ASTN2: variants seen among roughly 807,000 people sequenced by gnomAD.
ASTN2 encodes astrotactin-2.
In ASTN2, 54 loss-of-function variants were observed where a neutral mutation model predicts 139.8. The ratio of observed to expected loss-of-function variants is 0.39; its 90% confidence interval spans 0.31 to 0.48. ASTN2 has a LOEUF of 0.48. ASTN2 is among the 20% of genes least tolerant of loss of function. The pLI is 0.95. For missense variants in ASTN2, 1,565 were observed against 1,725.1 expected (o/e 0.91, Z 1.64); for synonymous variants, 756 against 719.5 (o/e 1.05, Z -0.81).
chr9:117,134,055 A>T (rs1829885238), intron 4 of ASTN2, among the ~76,000 whole-genome samples: 4 of 151,818 alleles, frequency 2.6e-5, no homozygotes, highest in Non-Finnish European at 4.4e-5. Context: ...TCCCACCCAA[A>T]AATCCTTGGT....
At chr9:117,375,229 G>T (rs2130919291) in intron 1 of ASTN2, among the ~76,000 whole-genome samples, 1 of 152,334 alleles carries the variant, frequency 6.6e-6, no homozygotes, top group East Asian at 1.9e-4. Context: ...GCCAGAGTTT[G>T]CATGGTATAT....
At chr9:116,680,296 C>T (rs1859769606) in intron 16 of ASTN2, among the ~76,000 whole-genome samples, 1 of 152,172 alleles carries the variant, frequency 6.6e-6, no homozygotes, top group African/African-American at 2.4e-5. Context: ...AATTCCTGGA[C>T]ACATACACCA....
rs138633518 is a variant in ASTN2 at position 117,361,074 on chromosome 9, A to C, written c.442+53423T>G. ...GGATTGAGACAAATGGGGGCTTGCC[A>C]CTCCTGTGACCTCCATCAGGGATTT... On this transcript the variant is annotated intron_variant, in intron 1 of 22. Coordinates refer to ENST00000313400, the MANE Select transcript of ASTN2 (RefSeq NM_001365068.1). 9.3e-3 allele frequency among the ~76,000 whole-genome samples: 1,421 copies of C among 152,098 alleles called. 28 individuals are homozygous for C. The highest frequency in any genetic ancestry group is 0.032 in the African/African-American group (1,347 of 41,504).
chr9:116,551,764 A>C (rs1852356561), intron 19 of ASTN2, among the ~76,000 whole-genome samples: 1 of 152,180 alleles, frequency 6.6e-6, no homozygotes, highest in Non-Finnish European at 1.5e-5. Context: ...TTTAGTCTTC[A>C]TTTCTCCCAA....
At chr9:117,388,865 G>T (rs141248183) in intron 1 of ASTN2, among the ~76,000 whole-genome samples, 315 of 152,228 alleles carry the variant, frequency 2.1e-3, no homozygotes, top group African/African-American at 7.1e-3. Context: ...AGGCTATCTT[G>T]CCCTTGGGGT....
chr9:117,336,170 T>C (rs1828877884), intron 1 of ASTN2, among the ~76,000 whole-genome samples: 1 of 151,658 alleles, frequency 6.6e-6, no homozygotes. Context: ...TGGGGAATGG[T>C]AAGAGTTTGA....
intron 19 of ASTN2, among the ~76,000 whole-genome samples, chr9:116,560,991 A>G (rs1852879137): frequency 1.3e-5 from 2 of 151,922 alleles, no homozygotes; most frequent in African/African-American, 4.8e-5. Flanking sequence ...AGGATGGGGT[A>G]GACATAGAGA....
intron 11 of ASTN2, among the ~76,000 whole-genome samples, chr9:116,837,954 G>A (rs1220848722): frequency 2.6e-5 from 4 of 152,108 alleles, no homozygotes; most frequent in Non-Finnish European, 2.9e-5. Flanking sequence ...CCCTTGGCTT[G>A]TCTGAGCCTC....
rs763138103 is a variant in ASTN2, at chr9:116,662,885, CAG to C, written c.2807-11094_2807-11093del. 5.9e-5 allele frequency among the ~76,000 whole-genome samples: 9 copies of C among 152,220 alleles called. No individual in the cohort carries two copies. The South Asian group carries it at 8.3e-4, about 14-fold the overall frequency. On this transcript the variant is annotated intron_variant, in intron 16 of 22. Coordinates refer to ENST00000313400, the MANE Select transcript of ASTN2 (RefSeq NM_001365068.1). Reference sequence around the variant, plus strand: ...CAACTGTAATATACAGCTGAAAAAACAGAGTTTCCGAGAAGTGACAGACTGCA... The same window carrying C: ...CAACTGTAATATACAGCTGAAAAAACAGTTTCCGAGAAGTGACAGACTGCA...
intron 13 of ASTN2, among the ~76,000 whole-genome samples, chr9:116,780,449 G>A (rs926976030): frequency 6.6e-6 from 1 of 152,138 alleles, no homozygotes; most frequent in Admixed American, 6.5e-5. Context: ...TATAATCAGC[G>A]ACCTTGGTTT....
Position 116,699,799 on chromosome 9 carries a change from A to G in ASTN2, c.2806+25972T>C, listed in dbSNP as rs527671692. On this transcript the variant is annotated intron_variant, in intron 16 of 22. Transcript: ENST00000313400. The surrounding 1 kb of genome is among the most constrained non-coding windows in gnomAD (Gnocchi z 4.2). ...GGCACATGCAGAATAGACTCAGCCT[A>G]TGTCCTGATTCCAGCTGGGTAGTTC... 259 of 1,552,870 alleles carry G rather than the reference A, an allele frequency of 1.7e-4. 3 individuals are homozygous for G. In the South Asian group the frequency reaches 2.8e-3, roughly 17 times the overall value.
chr9:116,717,798 G>C (rs1210371188), intron 16 of ASTN2, among the ~76,000 whole-genome samples: 1 of 152,230 alleles, frequency 6.6e-6, no homozygotes, highest in African/African-American at 2.4e-5. Context: ...TCTGGAGTCA[G>C]AGAACCCTTT....
chr9:117,093,216 C>G (rs1461048894), intron 5 of ASTN2, among the ~76,000 whole-genome samples: 1 of 152,190 alleles, frequency 6.6e-6, no homozygotes, highest in Non-Finnish European at 1.5e-5. Flanking sequence ...GGTAGCAGAT[C>G]TGAGACTCCC....
intron 19 of ASTN2, among the ~76,000 whole-genome samples, chr9:116,520,345 C>T (rs1850815890): frequency 6.6e-6 from 1 of 152,092 alleles, no homozygotes; most frequent in Non-Finnish European, 1.5e-5. Flanking sequence ...GATGGTTTAA[C>T]ACACATAAGT....
chr9:116,679,588 C>G (rs1859713570), intron 16 of ASTN2, among the ~76,000 whole-genome samples: 1 of 152,092 alleles, frequency 6.6e-6, no homozygotes, highest in South Asian at 2.1e-4. Flanking sequence ...CTGCCCTCAC[C>G]ACACCACACC....
chr9:117,172,027 A>C (rs1830806506), intron 3 of ASTN2, among the ~76,000 whole-genome samples: 2 of 152,326 alleles, frequency 1.3e-5, no homozygotes, highest in Middle Eastern at 6.8e-3. Flanking sequence ...CAGACACAAA[A>C]TAACGCATCT....
chr9:116,624,366 G>A (rs1856332959), intron 17 of ASTN2, among the ~76,000 whole-genome samples: 1 of 152,136 alleles, frequency 6.6e-6, no homozygotes, highest in African/African-American at 2.4e-5. Flanking sequence ...CAGAAACTAA[G>A]AAAGGGAATG....
intron 13 of ASTN2, among the ~76,000 whole-genome samples, chr9:116,743,027 C>T (rs1238207788): frequency 6.6e-6 from 1 of 152,134 alleles, no homozygotes; most frequent in African/African-American, 2.4e-5. Flanking sequence ...CAAAAAATCA[C>T]ATAGCAAATA....
intron 20 of ASTN2, among the ~76,000 whole-genome samples, chr9:116,476,542 T>G (rs565043953): frequency 6.6e-6 from 1 of 152,180 alleles, no homozygotes; most frequent in African/African-American, 2.4e-5. Flanking sequence ...TTCATCACCA[T>G]GAATATGAGC....
Sources: allele counts gnomAD v4.1 joint callset (sites outside exome capture counted in the v4.1 genomes callset), GRCh38; gene constraint gnomAD v4.1.1; non-coding constraint Gnocchi (gnomAD v3.1); transcripts MANE v1.5; gene names NCBI Gene and HGNC (gene_info 2026-07-23, HGNC 2026-07-21).